Variants in TBC1D24 observed in about 807,000 individuals in gnomAD.
TBC1D24 encodes TBC1 domain family member 24.
TBC1D24 carries 47 observed loss-of-function variants against 50.7 expected under a neutral mutation model. The observed-to-expected ratio is 0.93, with a 90% CI of 0.73 to 1.18. The LOEUF (loss-of-function observed/expected upper bound fraction) is 1.18, where lower values mean the gene tolerates loss of function less well. Ranked by LOEUF, TBC1D24 falls within the 50% of genes most tolerant of loss-of-function variation. The probability of loss-of-function intolerance (pLI) is 0.00; values close to 1 mark genes in which losing one functional copy is unlikely to be tolerated. For missense variants in TBC1D24, 688 were observed against 766.5 expected (o/e 0.90, Z 1.21); for synonymous variants, 324 against 335.2 (o/e 0.97, Z 0.36).
Position 2,486,040 on chromosome 16 carries a change from T to C in TBC1D24, c.-115-9994T>C, listed in dbSNP as rs532656851. ...CTGGAATGCCTGTGCTGCCCTCCCC[T>C]GCCTGGCGGGTGGGGTCGGTGCTCA... is the stretch of plus-strand genomic sequence containing the variant. On this transcript the variant is annotated intron_variant, in intron 1 of 7. Transcript: ENST00000646147. This position sits in a 1 kb window ranked among gnomAD's most constrained non-coding sequence, Gnocchi z 5.8. Among the ~76,000 whole-genome samples, 1 of 152,278 alleles carries C rather than the reference T, an allele frequency of 6.6e-6. No homozygotes were observed. Among genetic ancestry groups the C allele is most frequent in the African/African-American group, 2.4e-5 (1 of 41,562 alleles).
chr16:2,484,998 C>T (rs1030757737), intron 1 of TBC1D24: 1 of 152,274 alleles, frequency 6.6e-6, no homozygotes, highest in Non-Finnish European at 1.5e-5. Context: ...CTGCCATCCA[C>T]ACCCCGCTCC....
chr16:2,488,685 G>A (rs2065670610), intron 1 of TBC1D24, among the ~76,000 whole-genome samples: 1 of 149,214 alleles, frequency 6.7e-6, no homozygotes, highest in East Asian at 2.0e-4. Context: ...CTAATTTTTG[G>A]ATTTAGTAGA....
rs1158756749 is a variant in TBC1D24, at chr16:2,487,372, T to C, written c.-115-8662T>C. On this transcript the variant is annotated intron_variant, in intron 1 of 7. Coordinates refer to ENST00000646147, the MANE Select transcript of TBC1D24 (RefSeq NM_001199107.2). This position sits in a 1 kb window ranked among gnomAD's most constrained non-coding sequence, Gnocchi z 4.1. ...GGAGCCGCGGTCGTATGCTGCCTCCTCACGTTTGCTGTGACCTGGGACAGG... is the reference window on the plus strand; with the variant it reads ...GGAGCCGCGGTCGTATGCTGCCTCCCCACGTTTGCTGTGACCTGGGACAGG... Among the ~76,000 whole-genome samples, 1 of 152,186 alleles carries C rather than the reference T, an allele frequency of 6.6e-6. No homozygotes were observed. The highest frequency in any genetic ancestry group is 6.5e-5 in the Admixed American group (1 of 15,282).
intron 1 of TBC1D24, chr16:2,480,647 C>T (rs552567625): frequency 6.6e-6 from 1 of 152,294 alleles, no homozygotes; most frequent in South Asian, 2.1e-4. Context: ...GAGCTCATCA[C>T]ATGGTCCCTT....
In TBC1D24 at chr16:2,483,454, G is replaced by A. The variant is rs2065625201; in HGVS notation, c.-116+8284G>A. ...GCTGGCAAGAGAGAAAAGCCAGAGTGGCTGGTGGATGCGGGGAGTCACAGC... is the reference window on the plus strand; with the variant it reads ...GCTGGCAAGAGAGAAAAGCCAGAGTAGCTGGTGGATGCGGGGAGTCACAGC... On this transcript the variant is annotated intron_variant, in intron 1 of 7. Coordinates refer to ENST00000646147, the MANE Select transcript of TBC1D24 (RefSeq NM_001199107.2). This position sits in a 1 kb window ranked among gnomAD's most constrained non-coding sequence, Gnocchi z 4.0. 1 of 152,668 alleles carries A rather than the reference G, an allele frequency of 6.6e-6. No homozygotes were observed. The highest frequency in any genetic ancestry group is 1.5e-5 in the Non-Finnish European group (1 of 68,372). The allele number at this position is 152,668 out of a possible 1,614,324, so 9.5% of individuals were successfully genotyped here.
In TBC1D24 at chr16:2,500,434, T is replaced by C. The variant is rs746760928; in HGVS notation, c.1469T>C (p.Leu490Pro). 1.2e-6 allele frequency: 2 copies of C among 1,601,940 alleles called. 1 individual carries two copies. Among genetic ancestry groups the C allele is most frequent in the South Asian group, 2.3e-5 (2 of 88,858 alleles). ...TTCCTGGCCGCTCGCCACTTCAACC[T>C]GCCCTCCAAGACCGAGTCCATGTTC... is the stretch of plus-strand genomic sequence containing the variant. Reference protein sequence around the residue: ...SPFLAARHFNLPSKTESMFMA... With the variant: ...SPFLAARHFNPPSKTESMFMA... The change falls in exon 7 of 8, where the codon CTG (leucine) becomes CCG (proline). Residue 490 changes from leucine (L) to proline (P), a missense_variant. By Grantham distance (98) the Leu-to-Pro change is moderately conservative (BLOSUM62 -3). Coordinates refer to ENST00000646147, the MANE Select transcript of TBC1D24 (RefSeq NM_001199107.2). This position sits in a 1 kb window ranked among gnomAD's most constrained non-coding sequence, Gnocchi z 8.0.
At position 2,475,913 on chromosome 16, in the gene TBC1D24, C is replaced by T. The variant is rs932914897; in HGVS notation, c.-116+743C>T. 2.0e-5 allele frequency among the ~76,000 whole-genome samples: 3 copies of T among 152,232 alleles called. No individual in the cohort carries two copies. The highest frequency in any genetic ancestry group is 2.1e-4 in the South Asian group (1 of 4,834). Reference sequence around the variant, plus strand: ...CCGCAGGGAAACGCGCTGTGGCCCCCGGGTTACTGCTTGCGGGGGTGATAT... The same window carrying T: ...CCGCAGGGAAACGCGCTGTGGCCCCTGGGTTACTGCTTGCGGGGGTGATAT... On this transcript the variant is annotated intron_variant, in intron 1 of 7. Coordinates refer to ENST00000646147, the MANE Select transcript of TBC1D24 (RefSeq NM_001199107.2). The surrounding 1 kb of genome is among the most constrained non-coding windows in gnomAD (Gnocchi z 4.2).
Position 2,505,025 on chromosome 16 carries a change from C to G in TBC1D24, c.*4067C>G, listed in dbSNP as rs74003014. 5.3e-5 allele frequency: 8 copies of G among 152,188 alleles called. No individual in the cohort carries two copies. Among genetic ancestry groups the G allele is most frequent in the Non-Finnish European group, 8.8e-5 (6 of 68,040 alleles). The allele number at this position is 152,188 out of a possible 1,614,324, so 9.4% of individuals were successfully genotyped here. A position where few individuals can be genotyped will look rare whatever the true frequency, so the allele number is the denominator to read the frequency against. ...ATTCTGGGATTACAGGCGTGAGCTG[C>G]TGTGCCCAGCTCATCCAGATTCTTG... On this transcript the variant is annotated 3_prime_UTR_variant, in exon 8 of 8. Coordinates refer to ENST00000646147, the MANE Select transcript of TBC1D24 (RefSeq NM_001199107.2).
chr16:2,489,727 C>T (rs950462505), intron 1 of TBC1D24, among the ~76,000 whole-genome samples: 6 of 152,172 alleles, frequency 3.9e-5, no homozygotes, highest in Admixed American at 1.3e-4. Context: ...CCGCTGGGAC[C>T]GTGATGTCCC....
At position 2,500,837 on chromosome 16, in the gene TBC1D24, G is replaced by A; in HGVS notation, c.1559G>A (p.Gly520Glu). ...GGGGQALYID[G>E]DLNRGRTSHC... ...GGCGGCCAGGCGCTCTACATCGATG[G>A]GGACCTGAACCGGGGCCGCACAAGC... The change falls in exon 8 of 8, where the codon GGG (glycine) becomes GAG (glutamate). Residue 520 changes from glycine to glutamate, a missense_variant. Transcript: ENST00000646147. This position sits in a 1 kb window ranked among gnomAD's most constrained non-coding sequence, Gnocchi z 8.0. 1.2e-6 allele frequency: 2 copies of A among 1,608,856 alleles called. No homozygotes were observed. Among genetic ancestry groups the A allele is most frequent in the South Asian group, 2.2e-5 (2 of 91,060 alleles).
chr16:2,501,061 G>GGTT lies in TBC1D24; in HGVS notation c.*105_*107dup. 6.7e-7 allele frequency: 1 copy of GGTT among 1,487,032 alleles called. No homozygotes were observed. The highest frequency in any genetic ancestry group is 9.1e-7 in the Non-Finnish European group (1 of 1,095,694). The allele number at this position is 1,487,032 out of a possible 1,614,324, so 92.1% of individuals were successfully genotyped here. A position where few individuals can be genotyped will look rare whatever the true frequency, so the allele number is the denominator to read the frequency against. On this transcript the variant is annotated 3_prime_UTR_variant, in exon 8 of 8. Transcript: ENST00000646147. ...GATGAAACCCCCATGTGGTAGGCAG[G>GGTT]GTTGGGGGACGGCAGGACCCCATGG...
In TBC1D24 at chr16:2,496,053, G is replaced by A. The variant is rs898249389; in HGVS notation, c.-96G>A. The A allele has an allele frequency of 2.0e-6, 3 of 1,532,480 alleles. No homozygotes were observed. Among genetic ancestry groups the A allele is most frequent in the Non-Finnish European group, 2.7e-6 (3 of 1,119,990 alleles). 94.9% of individuals were successfully genotyped at this position (1,532,480 alleles called of 1,614,324 possible). A position where few individuals can be genotyped will look rare whatever the true frequency, so the allele number is the denominator to read the frequency against. ...CTGCAGGGTGTGAGATGGCAGACAG[G>A]TTTGCAGGAAACCCTCAGAAAGGGG... On this transcript the variant is annotated 5_prime_UTR_variant, in exon 2 of 8. Coordinates refer to ENST00000646147, the MANE Select transcript of TBC1D24 (RefSeq NM_001199107.2).
chr16:2,476,466 C>G (rs545356270), intron 1 of TBC1D24: 1 of 152,272 alleles, frequency 6.6e-6, no homozygotes, highest in Non-Finnish European at 1.5e-5. Flanking sequence ...TTTACAGTTA[C>G]TGTTCCTAGC....
At position 2,499,030 on chromosome 16, in the gene TBC1D24, G is replaced by A. The variant is rs972950777; in HGVS notation, c.1143-327G>A. Among the ~76,000 whole-genome samples the A allele has an allele frequency of 6.6e-6, 1 of 152,256 alleles. No individual in the cohort carries two copies. Among genetic ancestry groups the A allele is most frequent in the African/African-American group, 2.4e-5 (1 of 41,480 alleles). ...ACCAGGGCCTCTTTGGCTCCCACAT[G>A]CCTGGGCTGCGAGGATGGCCCAAAC... On this transcript the variant is annotated intron_variant, in intron 4 of 7. Transcript: ENST00000646147. The surrounding 1 kb of genome is among the most constrained non-coding windows in gnomAD (Gnocchi z 4.0).
intron 3 of TBC1D24, 62 bp downstream of exon 3, chr16:2,497,789 C>CAGAGCA: frequency 6.7e-7 from 1 of 1,498,260 alleles, no homozygotes; most frequent in Non-Finnish European, 9.0e-7. Flanking sequence ...GACTCTAGGC[C>CAGAGCA]AGCTGCTTGC....
chr16:2,499,255 T>C lies in TBC1D24; in HGVS notation c.1143-102T>C, dbSNP rs771609455. 4.3e-4 allele frequency: 452 copies of C among 1,047,340 alleles called. 1 individual carries two copies. The highest frequency in any genetic ancestry group is 4.8e-4 in the Non-Finnish European group (330 of 686,786). 64.9% of individuals were successfully genotyped at this position (1,047,340 alleles called of 1,614,324 possible). A position where few individuals can be genotyped will look rare whatever the true frequency, so the allele number is the denominator to read the frequency against. On this transcript the variant is annotated intron_variant, in intron 4 of 7. Transcript: ENST00000646147. The surrounding 1 kb of genome is among the most constrained non-coding windows in gnomAD (Gnocchi z 4.0). The stretch of plus-strand genomic sequence containing the variant: ...GGGACCCAGAGAGAAGGAAGCACAG[T>C]TCCCAGGTCTTCGCCCCAAGACAGC...
intron 1 of TBC1D24, chr16:2,480,873 C>G (rs1011019752): frequency 6.6e-6 from 1 of 152,298 alleles, no homozygotes; most frequent in African/African-American, 2.4e-5. Context: ...TAGTAAATCC[C>G]AGGCCTCTGT....
chr16:2,500,402 C>G lies in TBC1D24; in HGVS notation c.1437C>G (p.Leu479=), dbSNP rs1406537159. 1 of 1,603,910 alleles carries G rather than the reference C, an allele frequency of 6.2e-7. No individual in the cohort carries two copies. The highest frequency in any genetic ancestry group is 8.5e-7 in the Non-Finnish European group (1 of 1,175,982). ...HSASSDPADR[L]SPFLAARHFN... The stretch of plus-strand genomic sequence containing the variant: ...CCTCCTCAGACCCCGCTGACCGCCT[C>G]TCGCCCTTCCTGGCCGCTCGCCACT... The change falls in exon 7 of 8, where the codon CTC becomes CTG. Residue 479 remains leucine (L), a synonymous_variant. Coordinates refer to ENST00000646147, the MANE Select transcript of TBC1D24 (RefSeq NM_001199107.2). This position sits in a 1 kb window ranked among gnomAD's most constrained non-coding sequence, Gnocchi z 8.0.
intron 1 of TBC1D24, chr16:2,480,484 A>G (rs541112563): frequency 1.3e-5 from 2 of 151,960 alleles, no homozygotes; most frequent in South Asian, 2.1e-4. Context: ...CTGGGAATCT[A>G]CTGAGGATAC....
Sources: allele counts gnomAD v4.1 joint callset (sites outside exome capture counted in the v4.1 genomes callset), GRCh38; gene constraint gnomAD v4.1.1; non-coding constraint Gnocchi (gnomAD v3.1); transcripts MANE v1.5; gene names NCBI Gene and HGNC (gene_info 2026-07-23, HGNC 2026-07-21).